Variants in PACRG observed in about 807,000 individuals in gnomAD.
PACRG encodes parkin coregulated gene protein.
In PACRG, 29 loss-of-function variants were observed where a neutral mutation model predicts 29.7. That is an observed-to-expected ratio of 0.98 (90% CI 0.73 to 1.33). The LOEUF is 1.33. Ranked by LOEUF, PACRG falls within the 40% of genes most tolerant of loss-of-function variation. The pLI, the probability that PACRG is intolerant of heterozygous loss-of-function variation, is 0.00. For missense variants in PACRG, 279 were observed against 316.2 expected (o/e 0.88, Z 0.89); for synonymous variants, 116 against 118.7 (o/e 0.98, Z 0.15).
intron 2 of PACRG, among the ~76,000 whole-genome samples, chr6:162,875,759 C>T (rs977494238): frequency 3.3e-5 from 5 of 152,182 alleles, no homozygotes; most frequent in African/African-American, 1.2e-4. Flanking sequence ...GAGTTATCAA[C>T]CTGGCATTCC....
chr6:163,125,934 G>GAA (rs1220657782), intron 4 of PACRG, among the ~76,000 whole-genome samples: 29 of 152,228 alleles, frequency 1.9e-4, no homozygotes, highest in African/African-American at 6.7e-4. Context: ...TCTGCCTTAG[G>GAA]AAAAAGGAGC....
intron 4 of PACRG, among the ~76,000 whole-genome samples, chr6:163,151,279 G>A (rs1025295655): frequency 6.6e-6 from 1 of 152,048 alleles, no homozygotes; most frequent in Non-Finnish European, 1.5e-5. Flanking sequence ...TTAATTCCTT[G>A]CTCTTTAGAC....
At chr6:163,236,025 G>C (rs1782223259) in intron 4 of PACRG, among the ~76,000 whole-genome samples, 1 of 152,060 alleles carries the variant, frequency 6.6e-6, no homozygotes, top group African/African-American at 2.4e-5. Flanking sequence ...TTATATGACT[G>C]ATCTCCAAGC....
At chr6:162,983,416 A>G (rs561886388) in intron 2 of PACRG, among the ~76,000 whole-genome samples, 2 of 151,816 alleles carry the variant, frequency 1.3e-5, no homozygotes, top group South Asian at 4.2e-4. Context: ...TGTGAGATTT[A>G]TGCTTCAGGA....
chr6:162,779,370 C>T (rs1376681209), intron 1 of PACRG, among the ~76,000 whole-genome samples: 3 of 152,098 alleles, frequency 2.0e-5, no homozygotes, highest in Non-Finnish European at 4.4e-5. Context: ...AGGGCATGGG[C>T]CTTATCTACA....
At chr6:163,251,426 T>C (rs1408848207) in intron 4 of PACRG, among the ~76,000 whole-genome samples, 6 of 152,350 alleles carry the variant, frequency 3.9e-5, no homozygotes, top group African/African-American at 1.2e-4. Flanking sequence ...CTTCCCGGAA[T>C]GCAATGATTA....
chr6:162,951,838 A>G (rs751758798), intron 2 of PACRG, among the ~76,000 whole-genome samples: 8 of 152,080 alleles, frequency 5.3e-5, no homozygotes, highest in African/African-American at 1.4e-4. Flanking sequence ...CTCTCGTTGT[A>G]GTCTTACTGG....
At chr6:163,265,982 T>TC (rs1272206213) in intron 4 of PACRG, among the ~76,000 whole-genome samples, 1 of 152,234 alleles carries the variant, frequency 6.6e-6, no homozygotes, top group African/African-American at 2.4e-5. Flanking sequence ...AGCATTAAAT[T>TC]CATTCTGTCA....
intron 4 of PACRG, among the ~76,000 whole-genome samples, chr6:163,240,146 G>A (rs1053917887): frequency 1.3e-5 from 2 of 151,994 alleles, no homozygotes; most frequent in Non-Finnish European, 2.9e-5. Context: ...CTCTGCTTCC[G>A]AGACGGTGGT....
chr6:163,231,363 G>C (rs886677823), intron 4 of PACRG, among the ~76,000 whole-genome samples: 3 of 152,136 alleles, frequency 2.0e-5, no homozygotes, highest in Admixed American at 1.3e-4. Flanking sequence ...CATCCTGCTC[G>C]AACATGGCCA....
chr6:162,765,387 C>G (rs1782701564), intron 1 of PACRG, among the ~76,000 whole-genome samples: 1 of 152,094 alleles, frequency 6.6e-6, no homozygotes, highest in South Asian at 2.1e-4. Flanking sequence ...ACTCTACCCC[C>G]TTTCCTCGCC....
chr6:163,002,119 A>C (rs1334444109), intron 2 of PACRG, among the ~76,000 whole-genome samples: 1 of 152,214 alleles, frequency 6.6e-6, no homozygotes, highest in Non-Finnish European at 1.5e-5. Flanking sequence ...AATATTGTAC[A>C]CATTTCTTTG....
At chr6:162,913,005 A>T (rs1274397661) in intron 2 of PACRG, among the ~76,000 whole-genome samples, 1 of 152,156 alleles carries the variant, frequency 6.6e-6, no homozygotes, top group Non-Finnish European at 1.5e-5. Flanking sequence ...ATAAAATTTT[A>T]TGTATATAAA....
At chr6:163,228,379 C>CAAAAAAAA (rs11362557) in intron 4 of PACRG, among the ~76,000 whole-genome samples, 3 of 68,164 alleles carry the variant, frequency 4.4e-5, no homozygotes, top group Admixed American at 2.1e-4. Flanking sequence ...TTTAAGCAGG[C>CAAAAAAAA]AAAAAAAAAA....
chr6:163,005,445 T>C (rs988602151), intron 2 of PACRG, among the ~76,000 whole-genome samples: 4 of 151,760 alleles, frequency 2.6e-5, no homozygotes, highest in African/African-American at 9.7e-5. Context: ...TTTAGTGCTG[T>C]TTCCTTCTAA....
At chr6:162,942,099 AAC>A (rs1280712661) in intron 2 of PACRG, among the ~76,000 whole-genome samples, 1 of 152,206 alleles carries the variant, frequency 6.6e-6, no homozygotes, top group Non-Finnish European at 1.5e-5. Flanking sequence ...TTGCTAAATA[AAC>A]AGTCTAAAAC....
intron 1 of PACRG, among the ~76,000 whole-genome samples, chr6:162,784,659 A>G (rs1487893809): frequency 1.3e-5 from 2 of 152,198 alleles, no homozygotes; most frequent in Non-Finnish European, 2.9e-5. Flanking sequence ...GGCTATGAGA[A>G]AACAGATACA....
chr6:163,130,198 A>T (rs1422100464), intron 4 of PACRG, among the ~76,000 whole-genome samples: 1 of 152,222 alleles, frequency 6.6e-6, no homozygotes, highest in Admixed American at 6.5e-5. Flanking sequence ...GACTATGTGT[A>T]TCCCACTGGA....
At chr6:163,002,802 G>A (rs776109426) in intron 2 of PACRG, among the ~76,000 whole-genome samples, 13 of 152,162 alleles carry the variant, frequency 8.5e-5, no homozygotes, top group Admixed American at 2.6e-4. Flanking sequence ...TCTGAGATAG[G>A]TCTACCTATT....
Sources: gnomAD v4.1 joint callset for allele counts (sites outside exome capture counted in the v4.1 genomes callset) on GRCh38, gnomAD v4.1.1 for gene constraint, MANE v1.5 for transcripts, NCBI Gene and HGNC (gene_info 2026-07-23, HGNC 2026-07-21) for gene names.